UPRT: variants seen among roughly 807,000 people sequenced by gnomAD.
UPRT encodes the protein uracil phosphoribosyltransferase homolog.
In UPRT, 5 loss-of-function variants were observed where a neutral mutation model predicts 22.6. The ratio of observed to expected loss-of-function variants is 0.22; its 90% CI spans 0.12 to 0.47. UPRT has a LOEUF of 0.47. Ranked by LOEUF, UPRT falls within the 20% of genes least tolerant of loss-of-function variation. The probability of loss-of-function intolerance (pLI) is 0.99; values close to 1 mark genes in which losing one functional copy is unlikely to be tolerated. For missense variants in UPRT, 181 were observed against 239.9 expected (o/e 0.75, Z 1.62); for synonymous variants, 77 against 87.7 (o/e 0.88, Z 0.68).
At chrX:75,187,518 G>A (rs183376564) in intron 4 of UPRT, among the ~76,000 whole-genome samples, 4 of 110,924 alleles carry the variant, frequency 3.6e-5, no homozygotes, top group Non-Finnish European at 7.5e-5. Context: ...TGCTCTTCTC[G>A]AGGAGTATCT....
chrX:75,214,432 A>G (rs2082387387), intron 4 of UPRT, among the ~76,000 whole-genome samples: 1 of 113,002 alleles, frequency 8.8e-6, no homozygotes. Context: ...AATACCACCT[A>G]TGTGATGAAT....
At chrX:75,221,453 A>G (rs1381709663) in intron 4 of UPRT, among the ~76,000 whole-genome samples, 1 of 111,091 alleles carries the variant, frequency 9.0e-6, no homozygotes, top group Non-Finnish European at 1.9e-5. Context: ...GCTGATAGCT[A>G]TTATATTTCC....
intron 4 of UPRT, among the ~76,000 whole-genome samples, chrX:75,256,128 C>T (rs1208320840): frequency 9.0e-6 from 1 of 111,691 alleles, no homozygotes; most frequent in East Asian, 2.8e-4. Context: ...AAAGGTGCCT[C>T]AATACATTTA....
chrX:75,215,325 G>T (rs1202002795), intron 4 of UPRT, among the ~76,000 whole-genome samples: 2 of 109,909 alleles, frequency 1.8e-5, no homozygotes, highest in Non-Finnish European at 1.9e-5. Context: ...AAAAAAGGAA[G>T]CAAATTAAAT....
chrX:75,268,266 A>G (rs2082596901), intron 4 of UPRT, among the ~76,000 whole-genome samples: 1 of 111,579 alleles, frequency 9.0e-6, no homozygotes, highest in African/African-American at 3.3e-5. Context: ...GCAGTAATTA[A>G]TAGCCTACCA....
chrX:75,231,350 C>A (rs2082437897), intron 4 of UPRT, among the ~76,000 whole-genome samples: 1 of 111,862 alleles, frequency 8.9e-6, no homozygotes, highest in African/African-American at 3.2e-5. Context: ...GAAGAAAAAA[C>A]TTCCACACTC....
intron 1 of UPRT, among the ~76,000 whole-genome samples, chrX:75,290,201 A>G (rs2082700952): frequency 8.9e-6 from 1 of 112,292 alleles, no homozygotes; most frequent in African/African-American, 3.2e-5. Context: ...CATATGAAAA[A>G]ATGCTTATCA....
intron 4 of UPRT, among the ~76,000 whole-genome samples, chrX:75,250,721 A>G (rs2082526242): frequency 9.0e-6 from 1 of 111,639 alleles, no homozygotes; most frequent in African/African-American, 3.3e-5. Context: ...TGAGGCCAGC[A>G]TCATCCTGAT....
At chrX:75,235,549 T>A (rs1231398188) in intron 4 of UPRT, among the ~76,000 whole-genome samples, 1 of 111,918 alleles carries the variant, frequency 8.9e-6, no homozygotes, top group East Asian at 2.8e-4. Flanking sequence ...AAATCCTCAA[T>A]AAAATACTGG....
At chrX:75,229,461 G>C (rs2082431950) in intron 4 of UPRT, among the ~76,000 whole-genome samples, 1 of 111,828 alleles carries the variant, frequency 8.9e-6, no homozygotes, top group Non-Finnish European at 1.9e-5. Flanking sequence ...GAACATACCA[G>C]GAAAACTGAG....
At position 75,225,055 on chromosome X, in the gene UPRT, C is replaced by T. The variant is rs376007324; in HGVS notation, c.-447+57176C>T. Among the ~76,000 whole-genome samples the T allele has an allele frequency of 2.0e-4, 22 of 110,797 alleles. No homozygotes were observed. In the East Asian group the frequency reaches 2.0e-3, roughly 10 times the overall value. ...GGAGCAGAACACTCAGTGGAGCGGT[C>T]GCAGTAGTTTGAGATCTCAGCTTAC... On this transcript the variant is annotated intron_variant, in intron 4 of 13. Transcript: ENST00000652605.
intron 4 of UPRT, among the ~76,000 whole-genome samples, chrX:75,253,848 G>A (rs1365218027): frequency 1.8e-5 from 2 of 112,061 alleles, no homozygotes; most frequent in African/African-American, 6.5e-5. Context: ...GACCTTACCT[G>A]GAGCTGAGTC....
intron 4 of UPRT, among the ~76,000 whole-genome samples, chrX:75,233,456 A>C (rs1244534628): frequency 9.0e-6 from 1 of 110,811 alleles, no homozygotes; most frequent in Non-Finnish European, 1.9e-5. Flanking sequence ...ATACTCCACG[A>C]GAAGAGTAAC....
intron 4 of UPRT, among the ~76,000 whole-genome samples, chrX:75,195,681 G>A (rs1402417788): frequency 8.9e-6 from 1 of 111,855 alleles, no homozygotes; most frequent in African/African-American, 3.2e-5. Flanking sequence ...GGAGTCACTG[G>A]GTACCAGGAA....
rs2082210788 is a variant in UPRT, at chrX:75,165,534, A to G, written c.-520-2272A>G. ...GAATCCACAGGGATTACAATTCTCC[A>G]ATGTTTGAAGCAGCAGATGAAATAA... On this transcript the variant is annotated intron_variant, in intron 3 of 13. Coordinates refer to the UPRT transcript ENST00000652605. Among the ~76,000 whole-genome samples the G allele has an allele frequency of 3.6e-5, 4 of 111,480 alleles. No homozygotes were observed. In the South Asian group the frequency reaches 1.5e-3, roughly 42 times the overall value.
At chrX:75,249,155 G>A (rs1357668657) in intron 4 of UPRT, among the ~76,000 whole-genome samples, 2 of 111,281 alleles carry the variant, frequency 1.8e-5, no homozygotes, top group African/African-American at 3.3e-5. Context: ...ATCAACTAAC[G>A]AGCAAAATAA....
At chrX:75,236,118 A>T (rs140110992) in intron 4 of UPRT, among the ~76,000 whole-genome samples, 4,384 of 111,593 alleles carry the variant, frequency 0.039, 101 homozygotes, top group Middle Eastern at 0.069. Context: ...TACAAAATCA[A>T]TGTACAAAAA....
At chrX:75,197,419 C>T (rs990359925) in intron 4 of UPRT, among the ~76,000 whole-genome samples, 1 of 111,360 alleles carries the variant, frequency 9.0e-6, no homozygotes, top group African/African-American at 3.3e-5. Context: ...GAATCATATT[C>T]GTGAGGATTT....
chrX:75,224,300 C>A (rs1480220249), intron 4 of UPRT, among the ~76,000 whole-genome samples: 1 of 111,747 alleles, frequency 8.9e-6, no homozygotes, highest in African/African-American at 3.2e-5. Context: ...ATATATGTGT[C>A]ATACTCTCCT....
Sources: allele counts gnomAD v4.1 joint callset (sites outside exome capture counted in the v4.1 genomes callset), GRCh38; gene constraint gnomAD v4.1.1; transcripts MANE v1.5; gene names NCBI Gene and HGNC (gene_info 2026-07-23, HGNC 2026-07-21).